LARP4: variants seen among roughly 807,000 people sequenced by gnomAD.
The protein encoded by LARP4 is la-related protein 4.
LARP4 carries 29 observed loss-of-function variants against 92.9 expected under a neutral mutation model. The observed-to-expected ratio is 0.31, with a 90% CI of 0.23 to 0.43. LARP4 has a LOEUF of 0.43. Among genes scored for constraint, LARP4 ranks in the 20% least tolerant of loss-of-function variants. The pLI, the probability that LARP4 is intolerant of heterozygous loss-of-function variation, is 1.00. For missense variants in LARP4, 732 were observed against 860.0 expected (o/e 0.85, Z 1.86); for synonymous variants, 279 against 284.1 (o/e 0.98, Z 0.18).
Position 50,400,921 on chromosome 12 carries a change from T to G in LARP4, c.-90T>G. On this transcript the variant is annotated 5_prime_UTR_variant, in exon 1 of 16. Transcript: ENST00000398473. Reference sequence around the variant, plus strand: ...CTGCCGGGTGGAGGGGCAAGGCGAGTGTGTGTCCTTATCCTAGCAATTGGG... The same window carrying G: ...CTGCCGGGTGGAGGGGCAAGGCGAGGGTGTGTCCTTATCCTAGCAATTGGG... 6.4e-7 allele frequency: 1 copy of G among 1,563,656 alleles called. No homozygotes were observed. The highest frequency in any genetic ancestry group is 8.8e-7 in the Non-Finnish European group (1 of 1,134,396).
rs1387711162 is a variant in LARP4 at position 50,400,981 on chromosome 12, C to T, written c.-30C>T. The T allele has an allele frequency of 8.1e-6, 13 of 1,614,022 alleles. No individual in the cohort carries two copies. The highest frequency in any genetic ancestry group is 2.7e-5 in the African/African-American group (2 of 75,002). On this transcript the variant is annotated 5_prime_UTR_variant, in exon 1 of 16. Coordinates refer to ENST00000398473, the MANE Select transcript of LARP4 (RefSeq NM_052879.5). Reference sequence around the variant, plus strand: ...TGTGAGCCAGTTGGAGTTGCGGCGGCGGGAACGATTGGGCTGAGCAGAGGA... The same window carrying T: ...TGTGAGCCAGTTGGAGTTGCGGCGGTGGGAACGATTGGGCTGAGCAGAGGA...
chr12:50,439,918 G>T (rs1950958442), intron 6 of LARP4, among the ~76,000 whole-genome samples: 1 of 152,122 alleles, frequency 6.6e-6, no homozygotes, highest in South Asian at 2.1e-4. Flanking sequence ...AGATATGTTT[G>T]CACATTAACT....
chr12:50,452,089 C>T (rs10467057), intron 8 of LARP4, among the ~76,000 whole-genome samples: 127,114 of 152,186 alleles, frequency 0.84, 55,600 homozygotes, highest in East Asian at 0.98. Context: ...CTGTGGACAC[C>T]GGGTTGTTTC....
At chr12:50,468,124 C>T (rs1956405062) in intron 13 of LARP4, among the ~76,000 whole-genome samples, 1 of 151,980 alleles carries the variant, frequency 6.6e-6, no homozygotes, top group Non-Finnish European at 1.5e-5. Flanking sequence ...GGATTATAGG[C>T]ATGTGCCACC....
rs1435003025 is a variant in LARP4, at chr12:50,461,365, C to T, written c.1334+18C>T. The T allele has an allele frequency of 6.2e-7, 1 of 1,601,058 alleles. No individual in the cohort carries two copies. Among genetic ancestry groups the T allele is most frequent in the Non-Finnish European group, 8.5e-7 (1 of 1,170,966 alleles). ...AGGGGCAGGTAAGAAAATAAAGTACCTGAAAACCTTTGATAATAATGTGAT... is the reference window on the plus strand; with the variant it reads ...AGGGGCAGGTAAGAAAATAAAGTACTTGAAAACCTTTGATAATAATGTGAT... On this transcript the variant is annotated intron_variant, in intron 11 of 15. Transcript: ENST00000398473.
intron 2 of LARP4, among the ~76,000 whole-genome samples, chr12:50,428,220 G>T (rs950963941): frequency 7.2e-5 from 11 of 151,992 alleles, no homozygotes; most frequent in African/African-American, 2.4e-4. Context: ...TAGAGATGGG[G>T]TTTCACCATA....
chr12:50,428,847 T>C, intron 2 of LARP4, 88 bp from the exon 3 acceptor site: 1 of 972,350 alleles, frequency 1.0e-6, no homozygotes. Flanking sequence ...ATCCTTAAAA[T>C]CTTTTTATAG....
chr12:50,419,005 A>G (rs982965418), intron 1 of LARP4, among the ~76,000 whole-genome samples: 1 of 152,142 alleles, frequency 6.6e-6, no homozygotes, highest in African/African-American at 2.4e-5. Flanking sequence ...ACAGGTGTAT[A>G]TATAAAGTTT....
intron 12 of LARP4, among the ~76,000 whole-genome samples, chr12:50,463,604 T>C (rs753502845): frequency 1.3e-5 from 2 of 151,570 alleles, no homozygotes; most frequent in Non-Finnish European, 2.9e-5. Flanking sequence ...ATAAACAAAA[T>C]AATCTCCTTT....
intron 8 of LARP4, among the ~76,000 whole-genome samples, chr12:50,451,973 A>G (rs1429020390): frequency 1.3e-5 from 2 of 152,254 alleles, no homozygotes; most frequent in Admixed American, 6.5e-5. Flanking sequence ...ACTGCACTCC[A>G]GCCTGGGCGA....
chr12:50,403,427 A>G (rs558636880), intron 1 of LARP4, among the ~76,000 whole-genome samples: 1 of 152,366 alleles, frequency 6.6e-6, no homozygotes, highest in Non-Finnish European at 1.5e-5. Context: ...ATCTTGAAAT[A>G]TTTATGCTCA....
Position 50,475,864 on chromosome 12 carries a change from A to G in LARP4, c.2175A>G (p.Ter725=), listed in dbSNP as rs779129950. 18 of 1,609,966 alleles carry G rather than the reference A, an allele frequency of 1.1e-5. No homozygotes were observed. The highest frequency in any genetic ancestry group is 1.8e-4 in the Middle Eastern group (1 of 5,630). ...ATGTGCCACCCAGATCACCAAAGTA[A>G]AAAACAACAAAACTATTCAAAAACT... ...EQYVPPRSPK[*] is the part of the protein sequence containing the mutation. Residue 725 remains the stop codon, a stop_retained_variant, in exon 16 of 16, where the codon TAA becomes TAG. Transcript: ENST00000398473.
chr12:50,471,491 A>T (rs1316745610), intron 13 of LARP4, among the ~76,000 whole-genome samples: 1 of 152,202 alleles, frequency 6.6e-6, no homozygotes, highest in African/African-American at 2.4e-5. Flanking sequence ...TCTAGGATTT[A>T]TACATCAGCT....
chr12:50,465,150 T>C (rs1383678422), intron 12 of LARP4, among the ~76,000 whole-genome samples: 1 of 151,864 alleles, frequency 6.6e-6, no homozygotes, highest in Non-Finnish European at 1.5e-5. Context: ...GGTGGGTGCA[T>C]TGCCTGAGGG....
intron 9 of LARP4, 118 bp downstream of exon 9, chr12:50,453,790 T>C (rs1448085435): frequency 6.3e-6 from 4 of 631,068 alleles, no homozygotes; most frequent in Non-Finnish European, 1.0e-5. Context: ...TGGCCTTTAT[T>C]TTATTTTATT....
chr12:50,414,881 GTCT>G (rs1186591477), intron 1 of LARP4, among the ~76,000 whole-genome samples: 5 of 152,088 alleles, frequency 3.3e-5, no homozygotes, highest in African/African-American at 9.7e-5. Context: ...CCTTTTATAT[GTCT>G]TCTTGTGTGC....
rs1957648625 is a variant in LARP4, at chr12:50,477,941, G to A, written c.*2077G>A. The A allele has an allele frequency of 6.6e-6, 1 of 152,518 alleles. No homozygotes were observed. The highest frequency in any genetic ancestry group is 2.4e-5 in the African/African-American group (1 of 41,458). The allele number at this position is 152,518 out of a possible 1,614,324, so 9.4% of individuals were successfully genotyped here. The stretch of plus-strand genomic sequence containing the variant: ...TTAAGTGTTAACATCCTTTGAATGC[G>A]TTGGATTTCAGAGAATAAACATTTT... On this transcript the variant is annotated 3_prime_UTR_variant, in exon 16 of 16. Coordinates refer to ENST00000398473, the MANE Select transcript of LARP4 (RefSeq NM_052879.5).
chr12:50,466,230 T>TAA (rs1956131069), intron 12 of LARP4, among the ~76,000 whole-genome samples: 1 of 152,002 alleles, frequency 6.6e-6, no homozygotes, highest in African/African-American at 2.4e-5. Context: ...AGAGGATATA[T>TAA]AGGGTGTTAG....
At chr12:50,427,959 G>C (rs759534377) in intron 2 of LARP4, 50 bp downstream of exon 2, 2 of 1,284,428 alleles carry the variant, frequency 1.6e-6, no homozygotes, top group East Asian at 5.0e-5. Context: ...TTAAATGTAT[G>C]GCCAAGCAAG....
Sources: allele counts gnomAD v4.1 joint callset (sites outside exome capture counted in the v4.1 genomes callset), GRCh38; gene constraint gnomAD v4.1.1; transcripts MANE v1.5; gene names NCBI Gene and HGNC (gene_info 2026-07-23, HGNC 2026-07-21).